Variants in SUPT3H observed in about 807,000 individuals in gnomAD.
SUPT3H encodes the protein transcription initiation protein SPT3 homolog.
In SUPT3H, 44 loss-of-function variants were observed where a neutral mutation model predicts 44.3. That is an observed-to-expected ratio of 0.99 (90% CI 0.78 to 1.28). The LOEUF (loss-of-function observed/expected upper bound fraction) is 1.28, where lower values mean the gene tolerates loss of function less well. SUPT3H is among the 50% of genes most tolerant of loss of function. SUPT3H has a pLI of 0.00. For missense variants in SUPT3H, 380 were observed against 387.1 expected (o/e 0.98, Z 0.15); for synonymous variants, 124 against 125.6 (o/e 0.99, Z 0.09).
intron 2 of SUPT3H, among the ~76,000 whole-genome samples, chr6:45,113,827 C>CAAAAAAA (rs374606230): frequency 8.9e-6 from 1 of 112,748 alleles, no homozygotes; most frequent in African/African-American, 3.4e-5. Context: ...AAGACTCCAT[C>CAAAAAAA]AAAAAAAAAA....
At chr6:45,088,086 A>T (rs1285348338) in intron 3 of SUPT3H, among the ~76,000 whole-genome samples, 1 of 152,060 alleles carries the variant, frequency 6.6e-6, no homozygotes, top group Non-Finnish European at 1.5e-5. Context: ...TCCAGGATTG[A>T]AATGAATTAA....
At chr6:45,296,757 A>AC (rs1230641833) in intron 2 of SUPT3H, among the ~76,000 whole-genome samples, 1 of 148,430 alleles carries the variant, frequency 6.7e-6, no homozygotes, top group African/African-American at 2.5e-5. Context: ...AAAAAAAAAA[A>AC]AAAAAAATTA....
intron 10 of SUPT3H, among the ~76,000 whole-genome samples, chr6:44,925,362 T>C (rs576096281): frequency 6.6e-6 from 1 of 152,284 alleles, no homozygotes; most frequent in South Asian, 2.1e-4. Flanking sequence ...TAAGGTATTA[T>C]TCAGGTTAAT....
At chr6:45,275,256 C>T (rs1277483383) in intron 2 of SUPT3H, among the ~76,000 whole-genome samples, 2 of 152,038 alleles carry the variant, frequency 1.3e-5, no homozygotes, top group Non-Finnish European at 2.9e-5. Flanking sequence ...AGGCAATCTT[C>T]TATTTCTTGG....
chr6:45,172,157 C>G (rs977984932), intron 2 of SUPT3H, among the ~76,000 whole-genome samples: 3 of 151,378 alleles, frequency 2.0e-5, no homozygotes, highest in Non-Finnish European at 2.9e-5. Context: ...ACTGCAACTT[C>G]CATCTCCTGG....
chr6:45,004,433 A>T (rs757021991), intron 5 of SUPT3H, among the ~76,000 whole-genome samples: 1 of 152,178 alleles, frequency 6.6e-6, no homozygotes, highest in East Asian at 1.9e-4. Flanking sequence ...TAAAAAATAT[A>T]TATCTCTAAG....
At chr6:45,207,041 G>A (rs1161573755) in intron 2 of SUPT3H, among the ~76,000 whole-genome samples, 1 of 152,018 alleles carries the variant, frequency 6.6e-6, no homozygotes, top group Non-Finnish European at 1.5e-5. Flanking sequence ...TCAACTATAG[G>A]TTAAGTTTAG....
At chr6:45,309,444 T>C (rs910180541) in intron 2 of SUPT3H, among the ~76,000 whole-genome samples, 1 of 150,826 alleles carries the variant, frequency 6.6e-6, no homozygotes, top group Non-Finnish European at 1.5e-5. Context: ...TAGTTAAAAA[T>C]ATATAGTCAA....
rs764255506 is a variant in SUPT3H, at chr6:44,829,909, G to A, written c.913-52C>T. ...GAATTATCACATGAAGTCAAACAAG[G>A]AAAGGAGGCAAAAAGCAAGCAGAGC... On this transcript the variant is annotated intron_variant, in intron 10 of 10. Coordinates refer to ENST00000371459, the MANE Select transcript of SUPT3H (RefSeq NM_003599.4). 7.4e-5 allele frequency: 117 copies of A among 1,575,016 alleles called. 2 individuals carry two copies. The South Asian group carries it at 1.3e-3, about 17-fold the overall frequency.
chr6:45,329,852 T>G (rs766450060), intron 2 of SUPT3H, among the ~76,000 whole-genome samples: 3 of 151,936 alleles, frequency 2.0e-5, no homozygotes, highest in Admixed American at 1.3e-4. Flanking sequence ...CTTTATGATC[T>G]CCAACATGTT....
At chr6:45,349,840 T>C (rs529087478) in intron 2 of SUPT3H, among the ~76,000 whole-genome samples, 2 of 152,232 alleles carry the variant, frequency 1.3e-5, no homozygotes, top group Non-Finnish European at 2.9e-5. Context: ...GTTCATGTTG[T>C]CAATGTTCTC....
chr6:45,170,241 T>C (rs1810550404), intron 2 of SUPT3H, among the ~76,000 whole-genome samples: 1 of 152,188 alleles, frequency 6.6e-6, no homozygotes, highest in Non-Finnish European at 1.5e-5. Flanking sequence ...AAAAAATCAT[T>C]TCTGAATAAT....
chr6:45,321,627 G>C (rs962811631), intron 2 of SUPT3H, among the ~76,000 whole-genome samples: 1 of 152,066 alleles, frequency 6.6e-6, no homozygotes, highest in Non-Finnish European at 1.5e-5. Flanking sequence ...GAACTATGCA[G>C]CTCTACTTTC....
intron 6 of SUPT3H, among the ~76,000 whole-genome samples, chr6:44,983,387 A>G (rs544412196): frequency 8.5e-5 from 13 of 152,312 alleles, no homozygotes; most frequent in African/African-American, 3.1e-4. Context: ...GTGAAAGTTC[A>G]TTTTCTAATA....
At chr6:45,185,653 T>C (rs1233462842) in intron 2 of SUPT3H, among the ~76,000 whole-genome samples, 1 of 152,212 alleles carries the variant, frequency 6.6e-6, no homozygotes, top group Non-Finnish European at 1.5e-5. Flanking sequence ...TTACATAAGC[T>C]TCCTCTGTTC....
chr6:44,905,500 C>T (rs1765876834), intron 10 of SUPT3H, among the ~76,000 whole-genome samples: 1 of 150,610 alleles, frequency 6.6e-6, no homozygotes, highest in East Asian at 2.0e-4. Flanking sequence ...GAATGGCAAT[C>T]ATTAAAAAGT....
chr6:45,160,464 A>G (rs1217362265), intron 2 of SUPT3H, among the ~76,000 whole-genome samples: 1 of 152,182 alleles, frequency 6.6e-6, no homozygotes, highest in Non-Finnish European at 1.5e-5. Context: ...GAGATTTTCC[A>G]TAGAAATGAA....
At chr6:44,813,655 ATT>A (rs1197937761) in intron 11 of SUPT3H, among the ~76,000 whole-genome samples, 1 of 146,544 alleles carries the variant, frequency 6.8e-6, no homozygotes, top group Admixed American at 6.8e-5. Context: ...TGGAACTGGA[ATT>A]TTTTTTTTTT....
chr6:44,951,010 C>G (rs1774223249), intron 9 of SUPT3H, among the ~76,000 whole-genome samples: 1 of 151,978 alleles, frequency 6.6e-6, no homozygotes, highest in Non-Finnish European at 1.5e-5. Context: ...GTCTAAGACT[C>G]TATATAATCT....
Sources: gnomAD v4.1 joint callset for allele counts (sites outside exome capture counted in the v4.1 genomes callset) on GRCh38, gnomAD v4.1.1 for gene constraint, MANE v1.5 for transcripts, NCBI Gene and HGNC (gene_info 2026-07-23, HGNC 2026-07-21) for gene names.